The following NRXN3 variants were observed in gnomAD, a reference collection of about 807,000 sequenced individuals.
NRXN3 encodes neurexin III.
Under a neutral mutation model 137.6 loss-of-function variants are expected in NRXN3, and 32 were observed. That is an observed-to-expected ratio of 0.23 (90% CI 0.18 to 0.31). The LOEUF is 0.31. NRXN3 is among the 10% of genes least tolerant of loss of function. The probability of loss-of-function intolerance (pLI) is 1.00; values close to 1 mark genes in which losing one functional copy is unlikely to be tolerated. For missense variants in NRXN3, 1,574 were observed against 2,062.5 expected, an observed-to-expected ratio of 0.76 and a Z score of 4.59; for synonymous variants, 798 against 784.5, an observed-to-expected ratio of 1.02 and a Z score of -0.29.
At position 79,864,208 on chromosome 14, in the gene NRXN3, T is replaced by C. The variant is rs1476284443; in HGVS notation, c.*2244T>C. On this transcript the variant is annotated 3_prime_UTR_variant, in exon 21 of 21. Coordinates refer to ENST00000335750, the MANE Select transcript of NRXN3 (RefSeq NM_001330195.2). The stretch of plus-strand genomic sequence containing the variant: ...TTTAAGTAATAATACATTTGTTATA[T>C]TCCTTTCAGTGTAAGTTTCTATTTG... The C allele has an allele frequency of 6.6e-6, 1 of 152,670 alleles. No homozygotes were observed. Among genetic ancestry groups the C allele is most frequent in the Non-Finnish European group, 1.5e-5 (1 of 68,038 alleles). 9.5% of individuals were successfully genotyped at this position (152,670 alleles called of 1,614,324 possible).
intron 20 of NRXN3, among the ~76,000 whole-genome samples, chr14:79,807,780 A>G (rs368329054): frequency 6.6e-6 from 1 of 152,040 alleles, no homozygotes; most frequent in Admixed American, 6.6e-5. Context: ...TGATTATTCA[A>G]CTCATCACAT....
intron 15 of NRXN3, among the ~76,000 whole-genome samples, chr14:79,103,685 T>C (rs1347558043): frequency 6.6e-6 from 1 of 152,044 alleles, no homozygotes; most frequent in African/African-American, 2.4e-5. Flanking sequence ...TATTAGGGAA[T>C]AAAAAAAGAC....
intron 4 of NRXN3, among the ~76,000 whole-genome samples, chr14:78,563,976 G>T (rs2096812610): frequency 2.0e-5 from 3 of 152,156 alleles, no homozygotes; most frequent in Admixed American, 1.3e-4. Context: ...GTCTTCCGTG[G>T]TGTCTCCTAC....
chr14:78,982,742 A>C (rs1418778978), intron 14 of NRXN3, among the ~76,000 whole-genome samples: 3 of 152,180 alleles, frequency 2.0e-5, no homozygotes, highest in Non-Finnish European at 4.4e-5. Flanking sequence ...CTGGGCAAGG[A>C]TTTCTTGGAT....
chr14:79,532,481 A>G, intron 16 of NRXN3, among the ~76,000 whole-genome samples: 1 of 152,200 alleles, frequency 6.6e-6, no homozygotes, highest in Admixed American at 6.5e-5. Context: ...TCAGCATGAG[A>G]CACAGTGGGC....
At chr14:79,204,139 T>A (rs187050244) in intron 15 of NRXN3, among the ~76,000 whole-genome samples, 32 of 152,118 alleles carry the variant, frequency 2.1e-4, no homozygotes, top group Non-Finnish European at 5.9e-5. Flanking sequence ...CATTAATATG[T>A]GAGTAAAAAG....
At chr14:79,733,081 G>GTGAA (rs10653194) in intron 19 of NRXN3, among the ~76,000 whole-genome samples, 98,225 of 151,586 alleles carry the variant, frequency 0.65, 33,007 homozygotes, top group African/African-American at 0.81. Context: ...AAAATATGCA[G>GTGAA]TGAATAATTA....
At position 79,770,101 on chromosome 14, in the gene NRXN3, C is replaced by G. The variant is rs1235348629; in HGVS notation, c.4015-35011C>G. ...ATCCTAAATATATATGCACCCAATA[C>G]AGGAGCACCCAGATTCATAAAGCAA... On this transcript the variant is annotated intron_variant, in intron 19 of 20. Coordinates refer to ENST00000335750, the MANE Select transcript of NRXN3 (RefSeq NM_001330195.2). Among the ~76,000 whole-genome samples, 122 of 151,732 alleles carry G rather than the reference C, an allele frequency of 8.0e-4. 1 individual carries two copies. The highest frequency in any genetic ancestry group is 2.9e-3 in the African/African-American group (120 of 41,426).
At chr14:79,764,894 T>C (rs937892911) in intron 19 of NRXN3, among the ~76,000 whole-genome samples, 1 of 152,228 alleles carries the variant, frequency 6.6e-6, no homozygotes, top group African/African-American at 2.4e-5. Flanking sequence ...ACTGTTTTGT[T>C]TGACATTTTT....
At chr14:78,394,831 AATTATCAAATTTATGTAAGT>A (rs1430020470) in intron 4 of NRXN3, among the ~76,000 whole-genome samples, 1 of 151,796 alleles carries the variant, frequency 6.6e-6, no homozygotes, top group African/African-American at 2.4e-5. Flanking sequence ...ATTTCACTTA[AATTATCAAATTTATGTAAGT>A]ATTATCAAAT....
At chr14:79,026,959 TA>T (rs1333755253) in intron 15 of NRXN3, among the ~76,000 whole-genome samples, 13 of 168 alleles carry the variant, frequency 0.077, no homozygotes, top group Admixed American at 0.5. Flanking sequence ...TTTATATATA[TA>T]TATATATATA....
At chr14:78,493,461 T>C (rs1345791734) in intron 4 of NRXN3, among the ~76,000 whole-genome samples, 1 of 151,558 alleles carries the variant, frequency 6.6e-6, no homozygotes, top group Non-Finnish European at 1.5e-5. Flanking sequence ...AGGCAGAAGT[T>C]GTACTAAGCC....
At chr14:78,342,656 T>C (rs974832590) in intron 4 of NRXN3, among the ~76,000 whole-genome samples, 3 of 152,176 alleles carry the variant, frequency 2.0e-5, no homozygotes, top group Non-Finnish European at 4.4e-5. Flanking sequence ...AGCTAATACA[T>C]TGGTGTTCAA....
chr14:78,475,455 G>C (rs745363321), intron 4 of NRXN3, among the ~76,000 whole-genome samples: 1 of 152,068 alleles, frequency 6.6e-6, no homozygotes, highest in African/African-American at 2.4e-5. Context: ...TATGACTTTC[G>C]AAGTTGAGTG....
chr14:79,460,398 C>A lies in NRXN3; in HGVS notation c.3263-6823C>A, dbSNP rs566175722. On this transcript the variant is annotated intron_variant, in intron 15 of 20. Transcript: ENST00000335750. ...AAGTAGTGGTAGACTTTTTTTTATTCATGGAAAACATTTAGTGAATGGGTA... is the reference window on the plus strand; with the variant it reads ...AAGTAGTGGTAGACTTTTTTTTATTAATGGAAAACATTTAGTGAATGGGTA... 2.6e-5 allele frequency among the ~76,000 whole-genome samples: 4 copies of A among 151,952 alleles called. No individual in the cohort carries two copies. In the South Asian group the frequency reaches 8.3e-4, roughly 32 times the overall value.
rs139596761 is a variant in NRXN3, at chr14:78,494,421, G to GTTTTTTTTTTTTT, written c.758-150695_758-150694insTTTTTTTTTTTTT. 4.2e-4 allele frequency among the ~76,000 whole-genome samples: 55 copies of GTTTTTTTTTTTTT among 132,402 alleles called. 2 individuals carry two copies. The highest frequency in any genetic ancestry group is 4.8e-4 in the Admixed American group (6 of 12,494). 86.9% of individuals were successfully genotyped at this position (132,402 alleles called of 152,430 possible). A position where few individuals can be genotyped will look rare whatever the true frequency, so the allele number is the denominator to read the frequency against. Reference sequence around the variant, plus strand: ...GGCTTGAAAGAATCCTACCAGAGGTGTTTTGTTTTTTTTTTTGTCTGATTT... The same window carrying GTTTTTTTTTTTTT: ...GGCTTGAAAGAATCCTACCAGAGGTGTTTTTTTTTTTTTTTTTGTTTTTTTTTTTGTCTGATTT... On this transcript the variant is annotated intron_variant, in intron 4 of 20. Transcript: ENST00000335750.
intron 15 of NRXN3, among the ~76,000 whole-genome samples, chr14:79,219,565 A>G (rs891357630): frequency 2.6e-5 from 4 of 152,198 alleles, no homozygotes; most frequent in African/African-American, 9.7e-5. Flanking sequence ...AATTGTATTT[A>G]TTATCTTTAA....
At chr14:78,276,706 C>T (rs1239095258) in intron 2 of NRXN3, among the ~76,000 whole-genome samples, 2 of 152,144 alleles carry the variant, frequency 1.3e-5, no homozygotes, top group Non-Finnish European at 2.9e-5. Flanking sequence ...ATCACATCCC[C>T]AAATGGGCAA....
At chr14:79,505,968 G>A (rs1465263249) in intron 16 of NRXN3, among the ~76,000 whole-genome samples, 1 of 152,114 alleles carries the variant, frequency 6.6e-6, no homozygotes, top group Non-Finnish European at 1.5e-5. Context: ...GACTCAACAG[G>A]GGAAGGGTCT....
Sources: allele counts gnomAD v4.1 joint callset (sites outside exome capture counted in the v4.1 genomes callset), GRCh38; gene constraint gnomAD v4.1.1; transcripts MANE v1.5; gene names NCBI Gene and HGNC (gene_info 2026-07-23, HGNC 2026-07-21).